Variants in CNBD1 observed in about 807,000 individuals in gnomAD.
The protein encoded by CNBD1 is cyclic nucleotide binding domain containing 1.
Under a neutral mutation model 54.4 loss-of-function variants are expected in CNBD1, and 71 were observed. That is an observed-to-expected ratio of 1.30 (90% CI 1.08 to 1.59). The LOEUF (loss-of-function observed/expected upper bound fraction) is 1.59, where lower values mean the gene tolerates loss of function less well. Ranked by LOEUF, CNBD1 falls within the 40% of genes most tolerant of loss-of-function variation. The pLI is 0.00. For synonymous variants in CNBD1, 182 were observed against 170.7 expected, an observed-to-expected ratio of 1.07 and a Z score of -0.51; for missense variants, 659 against 518.0, an observed-to-expected ratio of 1.27 and a Z score of -2.64.
chr8:87,195,098 T>C (rs1680904859), intron 4 of CNBD1, among the ~76,000 whole-genome samples: 1 of 152,074 alleles, frequency 6.6e-6, no homozygotes, highest in South Asian at 2.1e-4. Flanking sequence ...TTGGCTGGGC[T>C]GGTTTCGAAC....
chr8:87,307,603 A>C lies in CNBD1; in HGVS notation c.1042+20932A>C, dbSNP rs187538332. 1.4e-3 allele frequency among the ~76,000 whole-genome samples: 213 copies of C among 151,968 alleles called. 1 individual carries two copies. The highest frequency in any genetic ancestry group is 2.5e-3 in the Non-Finnish European group (172 of 67,914). ...AAATACAAAAATTAGCTGGGCATGG[A>C]GGCACATGCCTATAATCCCAGCTAC... On this transcript the variant is annotated intron_variant, in intron 8 of 10. Coordinates refer to ENST00000518476, the MANE Select transcript of CNBD1 (RefSeq NM_173538.3).
chr8:87,246,833 T>C (rs907790572), intron 6 of CNBD1, among the ~76,000 whole-genome samples: 1 of 152,108 alleles, frequency 6.6e-6, no homozygotes, highest in African/African-American at 2.4e-5. Flanking sequence ...GCATTACACT[T>C]ATTGTGAACC....
chr8:87,372,677 C>G (rs1252566596), intron 10 of CNBD1, among the ~76,000 whole-genome samples: 2 of 151,934 alleles, frequency 1.3e-5, no homozygotes, highest in African/African-American at 4.8e-5. Context: ...TAAGTGGCCT[C>G]TTTTCTGATG....
Position 87,286,561 on chromosome 8 carries a change from T to A in CNBD1, c.932T>A (p.Met311Lys). 1.4e-6 allele frequency: 2 copies of A among 1,451,430 alleles called. No homozygotes were observed. The highest frequency in any genetic ancestry group is 1.9e-6 in the Non-Finnish European group (2 of 1,057,352). 89.9% of individuals were successfully genotyped at this position (1,451,430 alleles called of 1,614,324 possible). The change falls in exon 8 of 11, where the codon ATG (methionine) becomes AAG (lysine). Residue 311 changes from methionine to lysine, a missense_variant. By Grantham distance (95) the Met-to-Lys change is moderately conservative. Transcript: ENST00000518476. ...IKEEKIKLENMQKLKLIRMCP... is the reference protein window; with the variant it reads ...IKEEKIKLENKQKLKLIRMCP... ...TAGGAAAAAATAAAACTTGAAAATA[T>A]GCAAAAGTTGAAATTAATCCGTATG...
chr8:87,301,484 A>C (rs1808991260), intron 8 of CNBD1, among the ~76,000 whole-genome samples: 1 of 151,884 alleles, frequency 6.6e-6, no homozygotes, highest in Admixed American at 6.6e-5. Context: ...AACATATCAA[A>C]AAGATAATCT....
At position 87,077,124 on chromosome 8, in the gene CNBD1, A is replaced by G. The variant is rs1810888301; in HGVS notation, c.432-128869A>G. Among the ~76,000 whole-genome samples the G allele has an allele frequency of 2.0e-5, 3 of 152,174 alleles. No individual in the cohort carries two copies. In the South Asian group the frequency reaches 6.2e-4, roughly 32 times the overall value. On this transcript the variant is annotated intron_variant, in intron 4 of 10. Transcript: ENST00000518476. ...TCAGAAGAGGGAGGGCAAAGGAAGG[A>G]TATTTTTGAGGCCTTGAGGGACCTG...
At chr8:87,052,753 T>C (rs1177804185) in intron 4 of CNBD1, among the ~76,000 whole-genome samples, 1 of 152,126 alleles carries the variant, frequency 6.6e-6, no homozygotes, top group Non-Finnish European at 1.5e-5. Flanking sequence ...GCAGTCAGGG[T>C]TTGGATTAGA....
chr8:87,266,629 T>C (rs1301336199), intron 6 of CNBD1, among the ~76,000 whole-genome samples: 1 of 151,560 alleles, frequency 6.6e-6, no homozygotes, highest in Admixed American at 6.6e-5. Flanking sequence ...TTTGTATTTT[T>C]AGTAGAGAAG....
chr8:87,162,402 G>T (rs1008901274), intron 4 of CNBD1, among the ~76,000 whole-genome samples: 4 of 151,946 alleles, frequency 2.6e-5, no homozygotes, highest in African/African-American at 9.7e-5. Flanking sequence ...TTAAATATTT[G>T]AAAATGTCTG....
chr8:87,197,690 G>A (rs1813750567), intron 4 of CNBD1, among the ~76,000 whole-genome samples: 1 of 152,096 alleles, frequency 6.6e-6, no homozygotes, highest in Non-Finnish European at 1.5e-5. Flanking sequence ...GATTATAGTA[G>A]TTATATAAAA....
rs1197035244 is a variant in CNBD1, at chr8:87,382,663, A to G, written c.*36A>G. 12 of 1,458,148 alleles carry G rather than the reference A, an allele frequency of 8.2e-6. No homozygotes were observed. The East Asian group carries it at 2.5e-4, about 30-fold the overall frequency. 90.3% of individuals were successfully genotyped at this position (1,458,148 alleles called of 1,614,324 possible). ...AACCTCAGTGAACATTAATTAAGAA[A>G]GTATTGACTAAATAATGGAATAATT... On this transcript the variant is annotated 3_prime_UTR_variant, in exon 11 of 11. Transcript: ENST00000518476.
At chr8:87,324,325 G>A (rs1809616289) in intron 8 of CNBD1, among the ~76,000 whole-genome samples, 2 of 126,956 alleles carry the variant, frequency 1.6e-5, no homozygotes, top group Admixed American at 7.6e-5. Context: ...CATAAAATGA[G>A]TTAGGGAGGA....
At chr8:87,374,633 G>T (rs2130952317) in intron 10 of CNBD1, among the ~76,000 whole-genome samples, 1 of 151,872 alleles carries the variant, frequency 6.6e-6, no homozygotes, top group Non-Finnish European at 1.5e-5. Context: ...AGTTAGGTTG[G>T]AGCCATGTAA....
intron 10 of CNBD1, among the ~76,000 whole-genome samples, chr8:87,372,847 A>G (rs7842646): frequency 1.8e-3 from 269 of 151,856 alleles, no homozygotes; most frequent in African/African-American, 6.2e-3. Context: ...AGATGGTATA[A>G]GCCATGGTAT....
chr8:86,871,442 TTTGATA>T (rs1808442338), intron 1 of CNBD1, among the ~76,000 whole-genome samples: 1 of 152,234 alleles, frequency 6.6e-6, no homozygotes, highest in Non-Finnish European at 1.5e-5. Context: ...GATTAAACTT[TTTGATA>T]ACTTTAACTC....
At chr8:86,901,831 A>G (rs1230138949) in intron 2 of CNBD1, among the ~76,000 whole-genome samples, 1 of 152,104 alleles carries the variant, frequency 6.6e-6, no homozygotes, top group Non-Finnish European at 1.5e-5. Context: ...GAACTCAGCC[A>G]TGAGAACATC....
chr8:86,885,620 A>G (rs568795670), intron 1 of CNBD1, among the ~76,000 whole-genome samples: 1 of 152,320 alleles, frequency 6.6e-6, no homozygotes, highest in African/African-American at 2.4e-5. Flanking sequence ...ACAAAGTTAC[A>G]ATTTCATGTT....
chr8:87,115,582 G>C (rs1255418325), intron 4 of CNBD1, among the ~76,000 whole-genome samples: 3 of 152,172 alleles, frequency 2.0e-5, no homozygotes, highest in Non-Finnish European at 4.4e-5. Context: ...CATTTATGGA[G>C]TGGCAGTCAA....
At chr8:86,917,948 G>A (rs934273383) in intron 3 of CNBD1, among the ~76,000 whole-genome samples, 12 of 152,234 alleles carry the variant, frequency 7.9e-5, no homozygotes, top group African/African-American at 2.7e-4. Flanking sequence ...ATTGGAGGAA[G>A]AGGATCTGTG....
Sources: allele counts gnomAD v4.1 joint callset (sites outside exome capture counted in the v4.1 genomes callset), GRCh38; gene constraint gnomAD v4.1.1; transcripts MANE v1.5; gene names NCBI Gene and HGNC (gene_info 2026-07-23, HGNC 2026-07-21).